PPP2R3C: variants seen among roughly 807,000 people sequenced by gnomAD.
The protein encoded by PPP2R3C is serine/threonine-protein phosphatase 2A regulatory subunit B'' subunit gamma.
A neutral mutation model predicts 63.7 loss-of-function variants in PPP2R3C; 47 were observed. The ratio of observed to expected loss-of-function variants is 0.74; its 90% CI spans 0.58 to 0.94. PPP2R3C has a LOEUF of 0.94. Among genes scored for constraint, PPP2R3C ranks in the 40% least tolerant of loss-of-function variants. The pLI, the probability that PPP2R3C is intolerant of heterozygous loss-of-function variation, is 0.00. For synonymous variants in PPP2R3C, 180 were observed against 177.4 expected (o/e 1.01, Z -0.12); for missense variants, 421 against 518.4 (o/e 0.81, Z 1.82).
At chr14:35,100,507 G>T (rs1490716811) in intron 6 of PPP2R3C, 1 of 152,168 alleles carries the variant, frequency 6.6e-6, no homozygotes, top group African/African-American at 2.4e-5. Flanking sequence ...ATGTACAGGG[G>T]TGCATCAGGA....
chr14:35,091,115 C>T lies in PPP2R3C; in HGVS notation c.1068G>A (p.Glu356=). ...LQYIFKLLDI[E]NKGYLNVFSL... is the part of the protein sequence containing the mutation. ...AAAAGACATTCAGGTATCCTTTGTT[C>T]TCAATATCAAGCAGTTTGAAAATAT... Residue 356 remains glutamate, a synonymous_variant, in exon 11 of 13, where the codon GAG becomes GAA. Coordinates refer to ENST00000261475, the MANE Select transcript of PPP2R3C (RefSeq NM_017917.4). The T allele has an allele frequency of 6.2e-7, 1 of 1,608,026 alleles. No homozygotes were observed. The highest frequency in any genetic ancestry group is 8.5e-7 in the Non-Finnish European group (1 of 1,176,004).
chr14:35,120,074 C>T (rs1416103836), intron 1 of PPP2R3C, among the ~76,000 whole-genome samples: 1 of 150,476 alleles, frequency 6.6e-6, no homozygotes, highest in African/African-American at 2.4e-5. Context: ...CTCCTGACCT[C>T]GTGATCCGCC....
chr14:35,116,575 A>C lies in PPP2R3C; in HGVS notation c.186+35T>G, dbSNP rs189542518. The C allele has an allele frequency of 3.2e-4, 476 of 1,481,048 alleles. 1 individual carries two copies. In the African/African-American group the frequency reaches 5.6e-3, roughly 18 times the overall value. The allele number at this position is 1,481,048 out of a possible 1,614,324, so 91.7% of individuals were successfully genotyped here. A position where few individuals can be genotyped will look rare whatever the true frequency, so the allele number is the denominator to read the frequency against. On this transcript the variant is annotated intron_variant, in intron 2 of 12. Coordinates refer to ENST00000261475, the MANE Select transcript of PPP2R3C (RefSeq NM_017917.4). ...TTGCCAAAAATTATATTTCATTTTTAAACTCTGCAGGACATTTGATTAGAC... is the reference window on the plus strand; with the variant it reads ...TTGCCAAAAATTATATTTCATTTTTCAACTCTGCAGGACATTTGATTAGAC...
chr14:35,089,918 G>A (rs2045742750), intron 11 of PPP2R3C, among the ~76,000 whole-genome samples: 2 of 151,998 alleles, frequency 1.3e-5, no homozygotes, highest in South Asian at 4.1e-4. Flanking sequence ...GCCCACCCTG[G>A]CCTCCCAAAG....
chr14:35,120,510 G>T (rs2046839512), intron 1 of PPP2R3C, among the ~76,000 whole-genome samples: 1 of 152,084 alleles, frequency 6.6e-6, no homozygotes, highest in African/African-American at 2.4e-5. Context: ...CTCCCAAAGT[G>T]CTGGGATTAC....
At chr14:35,118,468 T>G (rs1298292834) in intron 1 of PPP2R3C, among the ~76,000 whole-genome samples, 1 of 152,168 alleles carries the variant, frequency 6.6e-6, no homozygotes, top group African/African-American at 2.4e-5. Context: ...TACTTATTAT[T>G]TTATTATTTC....
At chr14:35,103,775 C>G (rs2046266331) in intron 6 of PPP2R3C, among the ~76,000 whole-genome samples, 1 of 152,178 alleles carries the variant, frequency 6.6e-6, no homozygotes, top group African/African-American at 2.4e-5. Context: ...AAATAAATGT[C>G]TACTAAATGC....
intron 11 of PPP2R3C, 130 bp downstream of exon 11, chr14:35,090,940 C>G (rs1428584399): frequency 2.6e-6 from 2 of 773,034 alleles, no homozygotes; most frequent in East Asian, 3.0e-5. Context: ...TGGTCTCTAT[C>G]TCCTGACCTT....
At chr14:35,106,329 T>G (rs2046356829) in intron 6 of PPP2R3C, 1 of 151,648 alleles carries the variant, frequency 6.6e-6, no homozygotes, top group Non-Finnish European at 1.5e-5. Context: ...AAATGACACC[T>G]TTAAAATAAA....
At chr14:35,113,688 G>A (rs1018394492) in intron 2 of PPP2R3C, among the ~76,000 whole-genome samples, 2 of 152,150 alleles carry the variant, frequency 1.3e-5, no homozygotes, top group African/African-American at 4.8e-5. Flanking sequence ...CAGTAACTAG[G>A]AGATAACCAA....
chr14:35,111,071 C>T (rs1413536385), intron 2 of PPP2R3C, among the ~76,000 whole-genome samples: 1 of 151,872 alleles, frequency 6.6e-6, no homozygotes, highest in Admixed American at 6.6e-5. Flanking sequence ...CCCGTCTCTA[C>T]TAAAAATACA....
intron 4 of PPP2R3C, among the ~76,000 whole-genome samples, chr14:35,109,080 T>TG (rs1464218925): frequency 6.6e-6 from 1 of 151,918 alleles, no homozygotes; most frequent in African/African-American, 2.4e-5. Context: ...TTTTTTGAGA[T>TG]GGAGTCTTGC....
intron 12 of PPP2R3C, chr14:35,086,498 CTTTTTTTT>C (rs1159003633): frequency 8.0e-6 from 1 of 125,354 alleles, no homozygotes; most frequent in African/African-American, 3.0e-5. Context: ...TGCGCCCAGC[CTTTTTTTT>C]TTTTTTTTGA....
At position 35,091,142 on chromosome 14, in the gene PPP2R3C, T is replaced by C. The variant is rs373544131; in HGVS notation, c.1041A>G (p.Gln347=). The C allele has an allele frequency of 1.3e-5, 21 of 1,608,626 alleles. No homozygotes were observed. Among genetic ancestry groups the C allele is most frequent in the South Asian group, 1.2e-4 (11 of 90,876 alleles). The change falls in exon 11 of 13, where the codon CAA becomes CAG. Residue 347 remains glutamine, a synonymous_variant. Transcript: ENST00000261475. Reference sequence around the variant, plus strand: ...CAATATCAAGCAGTTTGAAAATATATTGTAGAGCTGCAGGTTCCTTTCTGT... The same window carrying C: ...CAATATCAAGCAGTTTGAAAATATACTGTAGAGCTGCAGGTTCCTTTCTGT... ...LENRKEPAAL[Q]YIFKLLDIEN...
intron 4 of PPP2R3C, among the ~76,000 whole-genome samples, chr14:35,108,782 A>AAT (rs549626679): frequency 2.0e-3 from 298 of 151,586 alleles, no homozygotes; most frequent in African/African-American, 6.6e-3. Flanking sequence ...AAAAAAGATA[A>AAT]ATATATATAT....
chr14:35,107,839 A>G, intron 5 of PPP2R3C: 1 of 432,800 alleles, frequency 2.3e-6, no homozygotes, highest in Non-Finnish European at 4.0e-6. Flanking sequence ...AACTTGTAAT[A>G]TACTGGTAAA....
chr14:35,114,038 G>C (rs890370197), intron 2 of PPP2R3C, among the ~76,000 whole-genome samples: 4 of 152,182 alleles, frequency 2.6e-5, no homozygotes, highest in Admixed American at 2.6e-4. Context: ...AAAGGGCTCT[G>C]CAGTGCTTAG....
chr14:35,103,006 T>A (rs903928795), intron 6 of PPP2R3C, among the ~76,000 whole-genome samples: 2 of 152,176 alleles, frequency 1.3e-5, no homozygotes, highest in Non-Finnish European at 2.9e-5. Context: ...GCGATCCACC[T>A]GCCTCGGCCT....
chr14:35,107,773 T>C (rs1381917404), intron 5 of PPP2R3C: 4 of 364,810 alleles, frequency 1.1e-5, no homozygotes, highest in Non-Finnish European at 1.5e-5. Context: ...AGCTGTTTAA[T>C]TGATGCTCCT....
Sources: allele counts gnomAD v4.1 joint callset (sites outside exome capture counted in the v4.1 genomes callset), GRCh38; gene constraint gnomAD v4.1.1; transcripts MANE v1.5; gene names NCBI Gene and HGNC (gene_info 2026-07-23, HGNC 2026-07-21).